The following RBFOX3 variants were observed in gnomAD, a reference collection of about 807,000 sequenced individuals.
The protein encoded by RBFOX3 is RNA binding protein fox-1 homolog 3.
A neutral mutation model predicts 48.7 loss-of-function variants in RBFOX3; 17 were observed. The ratio of observed to expected loss-of-function variants is 0.35; its 90% confidence interval spans 0.24 to 0.52. The LOEUF (loss-of-function observed/expected upper bound fraction) is 0.52, where lower values mean the gene tolerates loss of function less well. Ranked by LOEUF, RBFOX3 falls within the 20% of genes least tolerant of loss-of-function variation. The pLI is 0.94. For synonymous variants in RBFOX3, 212 were observed against 209.5 expected (o/e 1.01, Z -0.10); for missense variants, 382 against 497.5 (o/e 0.77, Z 2.21).
At chr17:79,196,415 G>A (rs1226117650) in intron 4 of RBFOX3, among the ~76,000 whole-genome samples, 7 of 152,214 alleles carry the variant, frequency 4.6e-5, no homozygotes, top group Admixed American at 2.0e-4. Context: ...TGGTGTCTGC[G>A]TCTATCAGAA....
intron 2 of RBFOX3, among the ~76,000 whole-genome samples, chr17:79,440,698 T>C (rs2149001044): frequency 1.3e-5 from 2 of 152,262 alleles, no homozygotes; most frequent in South Asian, 4.2e-4. Context: ...AGGTTGACCT[T>C]TGCCCTATGG....
chr17:79,565,116 A>T (rs2092406389), intron 1 of RBFOX3, among the ~76,000 whole-genome samples: 1 of 138,402 alleles, frequency 7.2e-6, no homozygotes, highest in Admixed American at 7.6e-5. Flanking sequence ...TATAAATATC[A>T]TTCTAATTTT....
the RBFOX3 span, among the ~76,000 whole-genome samples, chr17:79,625,517 G>A: frequency 7.8e-3 from 1,194 of 152,302 alleles, 16 homozygotes; most frequent in African/African-American, 0.028. Context: ...GGGGCCAGGC[G>A]TGGTGGCTCA....
chr17:79,612,917 TTTC>T (rs1221805937), upstream of RBFOX3, among the ~76,000 whole-genome samples: 7 of 152,152 alleles, frequency 4.6e-5, no homozygotes, highest in African/African-American at 1.7e-4. Context: ...CTTGCCCACA[TTTC>T]TTCTCCCTGG....
At chr17:79,630,598 A>G in the RBFOX3 span, among the ~76,000 whole-genome samples, 1 of 151,990 alleles carries the variant, frequency 6.6e-6, no homozygotes, top group Non-Finnish European at 1.5e-5. Context: ...CACATTTCCA[A>G]CCCTCATCAG....
intron 4 of RBFOX3, among the ~76,000 whole-genome samples, chr17:79,181,810 G>A (rs1190295229): frequency 6.6e-6 from 1 of 152,226 alleles, no homozygotes; most frequent in South Asian, 2.1e-4. Flanking sequence ...AGCTGCCCTG[G>A]GCCAGCTCGG....
chr17:79,330,199 A>T (rs907103159), intron 2 of RBFOX3, among the ~76,000 whole-genome samples: 1 of 152,178 alleles, frequency 6.6e-6, no homozygotes, highest in African/African-American at 2.4e-5. Context: ...GGGACACAGC[A>T]ATGTCTTCTC....
At chr17:79,159,658 C>CCGTGCCCACGCCTGGGCTG (rs1437491009) in intron 4 of RBFOX3, among the ~76,000 whole-genome samples, 1 of 152,214 alleles carries the variant, frequency 6.6e-6, no homozygotes, top group Admixed American at 6.5e-5. Flanking sequence ...ATGCACAGGA[C>CCGTGCCCACGCCTGGGCTG]CGTGCCCACG....
chr17:79,594,542 C>T (rs2093515883), intron 1 of RBFOX3, among the ~76,000 whole-genome samples: 3 of 152,310 alleles, frequency 2.0e-5, no homozygotes, highest in East Asian at 1.9e-4. Context: ...TGCAGCCCGG[C>T]CCCTGCGCAG....
At chr17:79,247,198 G>A (rs749450096) in intron 3 of RBFOX3, among the ~76,000 whole-genome samples, 7 of 152,104 alleles carry the variant, frequency 4.6e-5, no homozygotes, top group Non-Finnish European at 1.0e-4. Context: ...GGAGCCAGCC[G>A]GAGGTCCTAA....
intron 3 of RBFOX3, among the ~76,000 whole-genome samples, chr17:79,251,822 C>T (rs79879259): frequency 0.076 from 11,562 of 152,264 alleles, 660 homozygotes; most frequent in African/African-American, 0.16. Flanking sequence ...CTGGCACCAA[C>T]CCACCTGCCC....
At chr17:79,189,881 A>G (rs558913223) in intron 4 of RBFOX3, among the ~76,000 whole-genome samples, 1 of 152,346 alleles carries the variant, frequency 6.6e-6, no homozygotes, top group Admixed American at 6.5e-5. Context: ...CTGGGTATCC[A>G]GTGAAGTGCC....
chr17:79,616,038 C>T (rs1489109462), upstream of RBFOX3, among the ~76,000 whole-genome samples: 2 of 152,182 alleles, frequency 1.3e-5, no homozygotes, highest in Non-Finnish European at 2.9e-5. Context: ...GAAGATGCAA[C>T]TGTAGAAGGA....
rs80143541 is a variant in RBFOX3 at position 79,464,452 on chromosome 17, C to A, written c.-175+18002G>T. Among the ~76,000 whole-genome samples the A allele has an allele frequency of 8.4e-3, 1,284 of 152,330 alleles. 14 individuals are homozygous for A. Among genetic ancestry groups the A allele is most frequent in the African/African-American group, 0.029 (1,219 of 41,570 alleles). On this transcript the variant is annotated intron_variant, in intron 2 of 14. Coordinates refer to ENST00000693108, the MANE Select transcript of RBFOX3 (RefSeq NM_001350451.2). Reference sequence around the variant, plus strand: ...GGACACAGAGGTGTCACGTGCACCTCGGCCCACAGAGGAAGGATGCCCAGT... The same window carrying A: ...GGACACAGAGGTGTCACGTGCACCTAGGCCCACAGAGGAAGGATGCCCAGT...
intron 3 of RBFOX3, among the ~76,000 whole-genome samples, chr17:79,256,766 A>G (rs1408661717): frequency 1.3e-5 from 2 of 151,960 alleles, no homozygotes; most frequent in African/African-American, 2.4e-5. Context: ...AAAAATTCAA[A>G]AATTAGCCGG....
rs369225051 is a variant in RBFOX3, at chr17:79,477,621, C to T, written c.-175+4833G>A. ...GAAACAGAAGCAATGGAGTGGGGCC[C>T]CAGGTCCTTGTCTCATGTCCTCTTT... On this transcript the variant is annotated intron_variant, in intron 2 of 14. Transcript: ENST00000693108. The surrounding 1 kb of genome is among the most constrained non-coding windows in gnomAD (Gnocchi z 4.8). Among the ~76,000 whole-genome samples the T allele has an allele frequency of 6.6e-6, 1 of 152,042 alleles. No homozygotes were observed. Among genetic ancestry groups the T allele is most frequent in the African/African-American group, 2.4e-5 (1 of 41,386 alleles).
chr17:79,229,472 T>C (rs1443150771), intron 4 of RBFOX3, among the ~76,000 whole-genome samples: 1 of 149,698 alleles, frequency 6.7e-6, no homozygotes, highest in Non-Finnish European at 1.5e-5. Flanking sequence ...AGCAGGATAA[T>C]TGCTTGAACC....
intron 3 of RBFOX3, among the ~76,000 whole-genome samples, chr17:79,303,878 T>C (rs900166678): frequency 3.7e-4 from 54 of 147,846 alleles, no homozygotes; most frequent in African/African-American, 9.7e-4. Context: ...TGTGTGTGTG[T>C]GCATGTGTGT....
At chr17:79,133,631 C>T (rs145310338) in intron 4 of RBFOX3, among the ~76,000 whole-genome samples, 4 of 152,340 alleles carry the variant, frequency 2.6e-5, no homozygotes, top group Non-Finnish European at 5.9e-5. Context: ...CTCCTCCATC[C>T]TTGCTCAAGT....
Sources: allele counts gnomAD v4.1 joint callset (sites outside exome capture counted in the v4.1 genomes callset), GRCh38; gene constraint gnomAD v4.1.1; non-coding constraint Gnocchi (gnomAD v3.1); transcripts MANE v1.5; gene names NCBI Gene and HGNC (gene_info 2026-07-23, HGNC 2026-07-21).